The following EDA variants were observed in gnomAD, a reference collection of about 807,000 sequenced individuals.
The protein encoded by EDA is ectodysplasin-A.
EDA carries 2 observed loss-of-function variants against 23.6 expected under a neutral mutation model. The observed-to-expected ratio is 0.08, with a 90% CI of 0.03 to 0.27. EDA has a LOEUF of 0.27. Among genes scored for constraint, EDA ranks in the 10% least tolerant of loss-of-function variants. EDA has a pLI of 1.00. For missense variants in EDA, 229 were observed against 324.2 expected, an observed-to-expected ratio of 0.71 and a Z score of 2.26; for synonymous variants, 131 against 132.0, an observed-to-expected ratio of 0.99 and a Z score of 0.05.
intron 1 of EDA, among the ~76,000 whole-genome samples, chrX:69,698,491 C>T (rs1260437513): frequency 1.8e-5 from 2 of 111,508 alleles, no homozygotes; most frequent in East Asian, 2.8e-4. Flanking sequence ...TGTTGCTTCA[C>T]GAATAAAAGA....
At chrX:69,927,688 T>C (rs2018542177) in intron 1 of EDA, among the ~76,000 whole-genome samples, 1 of 111,208 alleles carries the variant, frequency 9.0e-6, no homozygotes, top group Non-Finnish European at 1.9e-5. Flanking sequence ...TGAATTTGCA[T>C]GTTGGCCTGT....
chrX:69,629,819 C>G (rs1017608390), intron 1 of EDA, among the ~76,000 whole-genome samples: 1 of 111,492 alleles, frequency 9.0e-6, no homozygotes, highest in South Asian at 3.8e-4. Flanking sequence ...TACAGCAAGT[C>G]CTTACCTTCA....
At chrX:69,931,689 A>G (rs1202925768) in intron 1 of EDA, among the ~76,000 whole-genome samples, 3 of 111,897 alleles carry the variant, frequency 2.7e-5, no homozygotes, top group African/African-American at 9.7e-5. Context: ...GACTGACCAT[A>G]CCAAGTTTTG....
chrX:69,696,160 A>G (rs1411470408), intron 1 of EDA, among the ~76,000 whole-genome samples: 1 of 108,943 alleles, frequency 9.2e-6, no homozygotes, highest in Non-Finnish European at 1.9e-5. Flanking sequence ...AATTGCTTGA[A>G]CCCAGGAGGC....
chrX:69,831,328 T>C (rs1467858374), intron 1 of EDA, among the ~76,000 whole-genome samples: 1 of 112,243 alleles, frequency 8.9e-6, no homozygotes, highest in Non-Finnish European at 1.9e-5. Flanking sequence ...GTCCTTGTGA[T>C]AGTTTGCTGA....
At chrX:69,784,233 C>T (rs1283172113) in intron 1 of EDA, among the ~76,000 whole-genome samples, 11 of 99,658 alleles carry the variant, frequency 1.1e-4, no homozygotes, top group East Asian at 3.1e-4. Flanking sequence ...TTCTCCCATT[C>T]TGTAGGTTGC....
intron 1 of EDA, among the ~76,000 whole-genome samples, chrX:69,743,488 C>G (rs767381857): frequency 3.6e-5 from 4 of 111,847 alleles, no homozygotes; most frequent in African/African-American, 1.3e-4. Flanking sequence ...GTGTCAATCA[C>G]GAGCAAAATT....
intron 1 of EDA, among the ~76,000 whole-genome samples, chrX:69,784,083 T>G (rs2015058586): frequency 9.7e-6 from 1 of 103,094 alleles, no homozygotes. Context: ...GCTGCATAAA[T>G]GTCTTCTTTT....
At chrX:69,960,153 G>A (rs1175919832) in intron 2 of EDA, among the ~76,000 whole-genome samples, 1 of 111,437 alleles carries the variant, frequency 9.0e-6, no homozygotes, top group Non-Finnish European at 1.9e-5. Flanking sequence ...CAGGAAGAAA[G>A]GATACAAGCA....
intron 1 of EDA, among the ~76,000 whole-genome samples, chrX:69,753,943 T>G (rs190290450): frequency 1.2e-3 from 130 of 110,270 alleles, no homozygotes; most frequent in African/African-American, 4.1e-3. Context: ...CCTCCATCCC[T>G]TTATTTTGAG....
At chrX:69,905,902 A>C in intron 1 of EDA, among the ~76,000 whole-genome samples, 1 of 111,205 alleles carries the variant, frequency 9.0e-6, no homozygotes, top group East Asian at 2.8e-4. Flanking sequence ...CTAATATAAT[A>C]CTTGGCACAT....
At chrX:69,776,440 G>A (rs1045626914) in intron 1 of EDA, among the ~76,000 whole-genome samples, 14 of 111,331 alleles carry the variant, frequency 1.3e-4, no homozygotes, top group African/African-American at 4.6e-4. Context: ...TTTATAAATG[G>A]AAGTTCCCCT....
At chrX:69,842,360 A>G (rs955829739) in intron 1 of EDA, among the ~76,000 whole-genome samples, 1 of 111,660 alleles carries the variant, frequency 9.0e-6, no homozygotes, top group African/African-American at 3.3e-5. Context: ...CATTATGGTG[A>G]GTTGTATAAT....
At chrX:69,728,439 G>A (rs190830007) in intron 1 of EDA, among the ~76,000 whole-genome samples, 21 of 111,822 alleles carry the variant, frequency 1.9e-4, no homozygotes, top group African/African-American at 6.8e-4. Flanking sequence ...AAGAGTAGGT[G>A]TGCATTTTGG....
intron 1 of EDA, among the ~76,000 whole-genome samples, chrX:69,748,679 G>T (rs1304696222): frequency 9.0e-6 from 1 of 111,686 alleles, no homozygotes; most frequent in Non-Finnish European, 1.9e-5. Flanking sequence ...AGCTGCCTGG[G>T]TTCTAATCTC....
chrX:69,934,719 CA>C (rs1193441031), intron 1 of EDA, among the ~76,000 whole-genome samples: 1 of 111,692 alleles, frequency 9.0e-6, no homozygotes, highest in African/African-American at 3.3e-5. Flanking sequence ...ATAATCACAA[CA>C]AGGTAAATGC....
At chrX:69,748,115 C>T (rs1209589988) in intron 1 of EDA, among the ~76,000 whole-genome samples, 1 of 111,493 alleles carries the variant, frequency 9.0e-6, no homozygotes, top group Non-Finnish European at 1.9e-5. Flanking sequence ...GTAGGGGAAG[C>T]AGTTAACAGA....
chrX:69,925,806 T>C (rs1275117662), intron 1 of EDA, among the ~76,000 whole-genome samples: 3 of 95,618 alleles, frequency 3.1e-5, no homozygotes, highest in Non-Finnish European at 6.4e-5. Flanking sequence ...TTTTGGTTGG[T>C]AGTCTATTAA....
At chrX:69,947,249 C>T in intron 1 of EDA, among the ~76,000 whole-genome samples, 1 of 112,525 alleles carries the variant, frequency 8.9e-6, no homozygotes, top group Non-Finnish European at 1.9e-5. Flanking sequence ...AATCCACTCT[C>T]ATGGGGAGCA....
Sources: gnomAD v4.1 joint callset for allele counts (sites outside exome capture counted in the v4.1 genomes callset) on GRCh38, gnomAD v4.1.1 for gene constraint, MANE v1.5 for transcripts, NCBI Gene and HGNC (gene_info 2026-07-23, HGNC 2026-07-21) for gene names.